BTBD9: variants seen among roughly 807,000 people sequenced by gnomAD.
BTBD9 encodes the protein BTB/POZ domain-containing protein 9.
Under a neutral mutation model 64.3 loss-of-function variants are expected in BTBD9, and 49 were observed. The ratio of observed to expected loss-of-function variants is 0.76; its 90% confidence interval spans 0.61 to 0.97. BTBD9 has a LOEUF of 0.97. Among genes scored for constraint, BTBD9 ranks in the 50% least tolerant of loss-of-function variants. The probability of loss-of-function intolerance (pLI) is 0.00; values close to 1 mark genes in which losing one functional copy is unlikely to be tolerated. For missense variants in BTBD9, 598 were observed against 762.1 expected (o/e 0.78, Z 2.53); for synonymous variants, 260 against 274.7 (o/e 0.95, Z 0.53).
chr6:38,596,134 G>A (rs1777021666), intron 2 of BTBD9: 1 of 835,066 alleles, frequency 1.2e-6, no homozygotes, highest in Admixed American at 6.2e-5. Flanking sequence ...ACATTCCTTT[G>A]CACATGAATA....
chr6:38,637,315 G>A (rs1778560239), intron 1 of BTBD9, among the ~76,000 whole-genome samples: 1 of 152,166 alleles, frequency 6.6e-6, no homozygotes, highest in South Asian at 2.1e-4. Flanking sequence ...GTAAGTATCT[G>A]CTGAGTTGTT....
At chr6:38,367,799 CAAAAAAAAAAAAAAAAAAAAA>C (rs575025737) in intron 6 of BTBD9, among the ~76,000 whole-genome samples, 1 of 84,296 alleles carries the variant, frequency 1.2e-5, no homozygotes, top group African/African-American at 4.4e-5. Context: ...CCAGAAATGG[CAAAAAAAAAAAAAAAAAAAAA>C]AAAAAAAAAA....
chr6:38,498,088 G>A (rs145855233), intron 6 of BTBD9, among the ~76,000 whole-genome samples: 1,693 of 152,290 alleles, frequency 0.011, 12 homozygotes, highest in Middle Eastern at 0.031. Flanking sequence ...AGAATTTCCA[G>A]CACAACCAAC....
intron 7 of BTBD9, among the ~76,000 whole-genome samples, chr6:38,310,924 C>T (rs1762805278): frequency 6.6e-6 from 1 of 152,242 alleles, no homozygotes. Flanking sequence ...TCTCCTGCCT[C>T]AGCCTCCTGA....
chr6:38,551,573 G>T (rs775394056), intron 6 of BTBD9, among the ~76,000 whole-genome samples: 1 of 152,120 alleles, frequency 6.6e-6, no homozygotes, highest in East Asian at 1.9e-4. Context: ...TTTTATAGAC[G>T]TGCAGACTGA....
chr6:38,194,104 C>G (rs201595889), intron 9 of BTBD9, among the ~76,000 whole-genome samples: 1 of 152,034 alleles, frequency 6.6e-6, no homozygotes, highest in Non-Finnish European at 1.5e-5. Context: ...TCCCAGACCC[C>G]CAGCTCTCTT....
chr6:38,370,654 TGTAA>T (rs33911566), intron 6 of BTBD9, among the ~76,000 whole-genome samples: 29,694 of 152,114 alleles, frequency 0.2, 3,724 homozygotes, highest in East Asian at 0.47. Context: ...GATTCAACCT[TGTAA>T]GTGTCATAGG....
chr6:38,247,155 T>TAAAAAAAAA (rs5875623), intron 9 of BTBD9, among the ~76,000 whole-genome samples: 1 of 149,004 alleles, frequency 6.7e-6, no homozygotes, highest in African/African-American at 2.5e-5. Flanking sequence ...AAAGAAGATG[T>TAAAAAAAAA]AAAAAAAAAA....
intron 8 of BTBD9, among the ~76,000 whole-genome samples, chr6:38,265,500 C>CTTT (rs369951977): frequency 1.5e-5 from 2 of 133,946 alleles, no homozygotes; most frequent in Non-Finnish European, 3.3e-5. Flanking sequence ...AACTACCAAT[C>CTTT]TTTTTTTTTT....
At chr6:38,209,611 G>C (rs1303506156) in intron 9 of BTBD9, among the ~76,000 whole-genome samples, 2 of 152,046 alleles carry the variant, frequency 1.3e-5, no homozygotes, top group Non-Finnish European at 2.9e-5. Context: ...CAAAACCTCT[G>C]GGGGGGTGGG....
intron 9 of BTBD9, among the ~76,000 whole-genome samples, chr6:38,237,952 A>G (rs1385024919): frequency 6.6e-6 from 1 of 152,192 alleles, no homozygotes; most frequent in Non-Finnish European, 1.5e-5. Context: ...AGCCTGGGCA[A>G]TAAAGAGAGT....
Position 38,629,435 on chromosome 6 carries a change from C to G in BTBD9, c.-28+10365G>C, listed in dbSNP as rs1778285852. Reference sequence around the variant, plus strand: ...AACATTAGCATCTTCAAATGAAGCACTGAGAAAAATACATCACATCTATAT... The same window carrying G: ...AACATTAGCATCTTCAAATGAAGCAGTGAGAAAAATACATCACATCTATAT... On this transcript the variant is annotated intron_variant, in intron 1 of 10. Coordinates refer to ENST00000481247, the MANE Select transcript of BTBD9 (RefSeq NM_001099272.2). Among the ~76,000 whole-genome samples, 4 of 152,226 alleles carry G rather than the reference C, an allele frequency of 2.6e-5. No homozygotes were observed. The South Asian group carries it at 8.3e-4, about 32-fold the overall frequency.
chr6:38,205,619 A>T (rs1462539107), intron 9 of BTBD9, among the ~76,000 whole-genome samples: 1 of 152,060 alleles, frequency 6.6e-6, no homozygotes, highest in Non-Finnish European at 1.5e-5. Context: ...TGTTCCACCA[A>T]AACAAAGGAC....
chr6:38,585,311 T>C (rs532693028), intron 4 of BTBD9, among the ~76,000 whole-genome samples: 128 of 152,316 alleles, frequency 8.4e-4, no homozygotes, highest in African/African-American at 2.9e-3. Context: ...TTATTTATTT[T>C]ACTTGTATTT....
chr6:38,287,694 T>G (rs929231527), intron 8 of BTBD9, among the ~76,000 whole-genome samples: 11 of 152,224 alleles, frequency 7.2e-5, no homozygotes, highest in Non-Finnish European at 1.6e-4. Context: ...TGGCTGACAG[T>G]GCATTTCTTA....
chr6:38,572,387 C>A (rs1298957790), intron 6 of BTBD9, among the ~76,000 whole-genome samples: 1 of 152,032 alleles, frequency 6.6e-6, no homozygotes. Flanking sequence ...GAAAGTAGAA[C>A]CATTCTAGTG....
intron 9 of BTBD9, among the ~76,000 whole-genome samples, chr6:38,209,050 C>T (rs1307783203): frequency 6.6e-6 from 1 of 152,208 alleles, no homozygotes; most frequent in Non-Finnish European, 1.5e-5. Flanking sequence ...GCCACTTAAA[C>T]ATTGGGAAAT....
chr6:38,597,144 T>C (rs1777068143), intron 2 of BTBD9, among the ~76,000 whole-genome samples: 1 of 152,214 alleles, frequency 6.6e-6, no homozygotes, highest in African/African-American at 2.4e-5. Flanking sequence ...TGTCTGACTC[T>C]AGGTGTTGCT....
intron 6 of BTBD9, among the ~76,000 whole-genome samples, chr6:38,388,935 C>T (rs1766295675): frequency 6.6e-6 from 1 of 152,088 alleles, no homozygotes; most frequent in Non-Finnish European, 1.5e-5. Context: ...TATTGTTATA[C>T]CACAGGTTTT....
Sources: gnomAD v4.1 joint callset for allele counts (sites outside exome capture counted in the v4.1 genomes callset) on GRCh38, gnomAD v4.1.1 for gene constraint, MANE v1.5 for transcripts, NCBI Gene and HGNC (gene_info 2026-07-23, HGNC 2026-07-21) for gene names.